SFT2D3: variants seen among roughly 807,000 people sequenced by gnomAD.
SFT2D3 encodes the protein SFT2 domain containing 3.
For missense variants in SFT2D3, 405 were observed against 334.6 expected, an observed-to-expected ratio of 1.21 and a Z score of -1.64; for synonymous variants, 239 against 191.2, an observed-to-expected ratio of 1.25 and a Z score of -2.06.
In SFT2D3 at chr2:127,701,734, C is replaced by T; in HGVS notation, c.206C>T (p.Pro69Leu). The change falls in exon 1 of 1, where the codon CCG becomes CTG. Residue 69 changes from proline (P) to leucine (L), a missense_variant. Pro to Leu is a moderately conservative substitution (Grantham distance 98). Transcript: ENST00000310981. ...GCAGCGGCCGGCCTGACGTGCCTCC[C>T]GAGCGTGACGCGCGGGCAGCGGCTG... ...ESAAAGLTCL[P>L]SVTRGQRLAA... 1 of 1,402,648 alleles carries T rather than the reference C, an allele frequency of 7.1e-7. No homozygotes were observed. Among genetic ancestry groups the T allele is most frequent in the Non-Finnish European group, 9.3e-7 (1 of 1,077,868 alleles). The allele number at this position is 1,402,648 out of a possible 1,614,324, so 86.9% of individuals were successfully genotyped here. A position where few individuals can be genotyped will look rare whatever the true frequency, so the allele number is the denominator to read the frequency against.
At position 127,702,248 on chromosome 2, in the gene SFT2D3, G is replaced by T; in HGVS notation, c.*72G>T. Reference sequence around the variant, plus strand: ...TCGGAGACCGCGCCGGCCGAGCTGAGGACTGCACGCCGCTGTGCGGAAGCC... The same window carrying T: ...TCGGAGACCGCGCCGGCCGAGCTGATGACTGCACGCCGCTGTGCGGAAGCC... On this transcript the variant is annotated 3_prime_UTR_variant, in exon 1 of 1. Transcript: ENST00000310981. 8.6e-7 allele frequency: 1 copy of T among 1,168,262 alleles called. No individual in the cohort carries two copies. 72.4% of individuals were successfully genotyped at this position (1,168,262 alleles called of 1,614,324 possible).
rs1179818463 is a variant in SFT2D3, at chr2:127,701,753, G to A, written c.225G>A (p.Gln75=). The A allele has an allele frequency of 4.6e-5, 65 of 1,418,408 alleles. No individual in the cohort carries two copies. The highest frequency in any genetic ancestry group is 5.8e-5 in the Non-Finnish European group (63 of 1,085,908). The allele number at this position is 1,418,408 out of a possible 1,614,324, so 87.9% of individuals were successfully genotyped here. A position where few individuals can be genotyped will look rare whatever the true frequency, so the allele number is the denominator to read the frequency against. Reference sequence around the variant, plus strand: ...GCCTCCCGAGCGTGACGCGCGGGCAGCGGCTGGCGGCGGGCGGCGGGTGCC... The same window carrying A: ...GCCTCCCGAGCGTGACGCGCGGGCAACGGCTGGCGGCGGGCGGCGGGTGCC... ...LTCLPSVTRG[Q]RLAAGGGCLL... The change falls in exon 1 of 1, where the codon CAG becomes CAA. Residue 75 remains glutamine, a synonymous_variant. Transcript: ENST00000310981.
chr2:127,701,710 C>A lies in SFT2D3; in HGVS notation c.182C>A (p.Ala61Glu). The A allele has an allele frequency of 7.5e-7, 1 of 1,329,510 alleles. No homozygotes were observed. Among genetic ancestry groups the A allele is most frequent in the Non-Finnish European group, 9.6e-7 (1 of 1,044,552 alleles). The allele number at this position is 1,329,510 out of a possible 1,614,324, so 82.4% of individuals were successfully genotyped here. A position where few individuals can be genotyped will look rare whatever the true frequency, so the allele number is the denominator to read the frequency against. The change falls in exon 1 of 1, where the codon GCA becomes GAA. Residue 61 changes from alanine to glutamate, a missense_variant. Transcript: ENST00000310981. Reference protein sequence around the residue: ...WTWARSPAESAAAGLTCLPSV... With the variant: ...WTWARSPAESEAAGLTCLPSV... Reference sequence around the variant, plus strand: ...TGGGCGCGGAGCCCTGCGGAGTCGGCAGCGGCCGGCCTGACGTGCCTCCCG... The same window carrying A: ...TGGGCGCGGAGCCCTGCGGAGTCGGAAGCGGCCGGCCTGACGTGCCTCCCG...
chr2:127,701,707 C>G lies in SFT2D3; in HGVS notation c.179C>G (p.Ser60Trp). 7.5e-7 allele frequency: 1 copy of G among 1,327,134 alleles called. No homozygotes were observed. Among genetic ancestry groups the G allele is most frequent in the South Asian group, 1.9e-5 (1 of 51,756 alleles). The allele number at this position is 1,327,134 out of a possible 1,614,324, so 82.2% of individuals were successfully genotyped here. The change falls in exon 1 of 1, where the codon TCG becomes TGG. Residue 60 changes from serine to tryptophan, a missense_variant. By Grantham distance (177) the Ser-to-Trp change is radical. Transcript: ENST00000310981. Reference protein sequence around the residue: ...RWTWARSPAESAAAGLTCLPS... With the variant: ...RWTWARSPAEWAAAGLTCLPS... ...ACGTGGGCGCGGAGCCCTGCGGAGT[C>G]GGCAGCGGCCGGCCTGACGTGCCTC...
Position 127,702,062 on chromosome 2 carries a change from C to G in SFT2D3, c.534C>G (p.Ala178=). The change falls in exon 1 of 1, where the codon GCC becomes GCG. Residue 178 remains alanine, a synonymous_variant. Coordinates refer to ENST00000310981, the MANE Select transcript of SFT2D3 (RefSeq NM_032740.4). The part of the protein sequence containing the change: ...LTVLGAGAQV[A]ALLAALVGLL... Reference sequence around the variant, plus strand: ...TGCTGGGCGCGGGCGCGCAGGTGGCCGCGCTGCTGGCCGCGCTGGTTGGGC... The same window carrying G: ...TGCTGGGCGCGGGCGCGCAGGTGGCGGCGCTGCTGGCCGCGCTGGTTGGGC... 8.3e-7 allele frequency: 1 copy of G among 1,209,412 alleles called. No individual in the cohort carries two copies. The highest frequency in any genetic ancestry group is 1.0e-6 in the Non-Finnish European group (1 of 972,342). 74.9% of individuals were successfully genotyped at this position (1,209,412 alleles called of 1,614,324 possible).
Position 127,702,311 on chromosome 2 carries a change from A to T in SFT2D3, c.*135A>T. On this transcript the variant is annotated 3_prime_UTR_variant, in exon 1 of 1. Coordinates refer to ENST00000310981, the MANE Select transcript of SFT2D3 (RefSeq NM_032740.4). ...CCTGCCCTAACAGCCTGCGAGTCTA[A>T]TCCGGGAGCGGCTGCTGCCAGCGGA... The T allele has an allele frequency of 1.1e-6, 1 of 942,468 alleles. No homozygotes were observed. The highest frequency in any genetic ancestry group is 5.4e-5 in the South Asian group (1 of 18,508). The allele number at this position is 942,468 out of a possible 1,614,324, so 58.4% of individuals were successfully genotyped here. A position where few individuals can be genotyped will look rare whatever the true frequency, so the allele number is the denominator to read the frequency against.
rs1444878809 is a variant in SFT2D3, at chr2:127,704,099, A to G, written c.*1923A>G. On this transcript the variant is annotated 3_prime_UTR_variant, in exon 1 of 1. Transcript: ENST00000310981. Reference sequence around the variant, plus strand: ...TGATCACACCACTGCACCACAGCCTAGGCAACAGCGAGACCTTGTCTCAAA... The same window carrying G: ...TGATCACACCACTGCACCACAGCCTGGGCAACAGCGAGACCTTGTCTCAAA... The G allele has an allele frequency of 6.0e-6, 1 of 166,674 alleles. No homozygotes were observed. The highest frequency in any genetic ancestry group is 2.4e-5 in the African/African-American group (1 of 41,386). The allele number at this position is 166,674 out of a possible 1,614,324, so 10.3% of individuals were successfully genotyped here.
chr2:127,704,036 A>T lies in SFT2D3; in HGVS notation c.*1860A>T, dbSNP rs1685955583. The T allele has an allele frequency of 6.0e-6, 1 of 166,406 alleles. No homozygotes were observed. Among genetic ancestry groups the T allele is most frequent in the South Asian group, 2.1e-4 (1 of 4,824 alleles). The allele number at this position is 166,406 out of a possible 1,614,324, so 10.3% of individuals were successfully genotyped here. ...CTTGGGGTGGGGCTGAGGTGGGAAG[A>T]TCACTTGAGCCCAGGAGGTTGAGGC... On this transcript the variant is annotated 3_prime_UTR_variant, in exon 1 of 1. Transcript: ENST00000310981.
rs1271063472 is a variant in SFT2D3, at chr2:127,704,207, G to A, written c.*2031G>A. 6.0e-6 allele frequency: 1 copy of A among 166,362 alleles called. No homozygotes were observed. The highest frequency in any genetic ancestry group is 1.9e-4 in the East Asian group (1 of 5,202). The allele number at this position is 166,362 out of a possible 1,614,324, so 10.3% of individuals were successfully genotyped here. On this transcript the variant is annotated 3_prime_UTR_variant, in exon 1 of 1. Coordinates refer to ENST00000310981, the MANE Select transcript of SFT2D3 (RefSeq NM_032740.4). The stretch of plus-strand genomic sequence containing the variant: ...AACATCTAGTATGTATGCTGACAGT[G>A]ATGTTTTTAAATGCCATATATATTT...
In SFT2D3 at chr2:127,701,920, C is replaced by T. The variant is rs1467374106; in HGVS notation, c.392C>T (p.Ala131Val). ...AGCGCGCTGCTGCGGGGCGGCGCGG[C>T]GTGCGGACGCCTGCTGCGCTGCGAA... ...AGSALLRGGA[A>V]CGRLLRCEEA... is the part of the protein sequence containing the mutation. Residue 131 changes from alanine to valine, a missense_variant, in exon 1 of 1, where the codon GCG becomes GTG. Coordinates refer to ENST00000310981, the MANE Select transcript of SFT2D3 (RefSeq NM_032740.4). The T allele has an allele frequency of 1.4e-6, 2 of 1,443,150 alleles. No individual in the cohort carries two copies. Among genetic ancestry groups the T allele is most frequent in the East Asian group, 6.2e-5 (2 of 32,208 alleles). The allele number at this position is 1,443,150 out of a possible 1,614,324, so 89.4% of individuals were successfully genotyped here.
In SFT2D3 at chr2:127,703,997, T is replaced by G. The variant is rs202129381; in HGVS notation, c.*1821T>G. Reference sequence around the variant, plus strand: ...TTTGCCAGATATGGTGGCACACAACTGTGATCCCAGCTACTTGGGGTGGGG... The same window carrying G: ...TTTGCCAGATATGGTGGCACACAACGGTGATCCCAGCTACTTGGGGTGGGG... On this transcript the variant is annotated 3_prime_UTR_variant, in exon 1 of 1. Coordinates refer to ENST00000310981, the MANE Select transcript of SFT2D3 (RefSeq NM_032740.4). 1.1e-4 allele frequency: 19 copies of G among 166,748 alleles called. No individual in the cohort carries two copies. In the East Asian group the frequency reaches 3.7e-3, roughly 32 times the overall value. 10.3% of individuals were successfully genotyped at this position (166,748 alleles called of 1,614,324 possible). A position where few individuals can be genotyped will look rare whatever the true frequency, so the allele number is the denominator to read the frequency against.
chr2:127,704,295 G>A lies in SFT2D3; in HGVS notation c.*2119G>A, dbSNP rs1405559314. 1 of 166,806 alleles carries A rather than the reference G, an allele frequency of 6.0e-6. No individual in the cohort carries two copies. The highest frequency in any genetic ancestry group is 1.9e-4 in the East Asian group (1 of 5,210). 10.3% of individuals were successfully genotyped at this position (166,806 alleles called of 1,614,324 possible). A position where few individuals can be genotyped will look rare whatever the true frequency, so the allele number is the denominator to read the frequency against. On this transcript the variant is annotated 3_prime_UTR_variant, in exon 1 of 1. Coordinates refer to ENST00000310981, the MANE Select transcript of SFT2D3 (RefSeq NM_032740.4). ...TCACTCTCAAAATGTGATCTGTCAA[G>A]TCCAGTAGAGCTTCAAGGTAAAATG...
Sources: allele counts gnomAD v4.1 joint callset, GRCh38; gene constraint gnomAD v4.1.1; transcripts MANE v1.5; gene names NCBI Gene and HGNC (gene_info 2026-07-23, HGNC 2026-07-21).